The following PKHD1 variants were observed in gnomAD, a reference collection of about 807,000 sequenced individuals.
The protein encoded by PKHD1 is PKHD1 ciliary IPT domain containing fibrocystin/polyductin.
PKHD1 carries 291 observed loss-of-function variants against 412.0 expected under a neutral mutation model. The ratio of observed to expected loss-of-function variants is 0.71; its 90% CI spans 0.64 to 0.78. The LOEUF (loss-of-function observed/expected upper bound fraction) is 0.78. Ranked by LOEUF, PKHD1 falls within the 30% of genes least tolerant of loss-of-function variation. The pLI is 0.00. For missense variants in PKHD1, 4,825 were observed against 4,950.7 expected (o/e 0.97, Z 0.76); for synonymous variants, 1,777 against 1,821.5 (o/e 0.98, Z 0.62).
At position 51,972,556 on chromosome 6, in the gene PKHD1, C is replaced by T. The variant is rs1793822109; in HGVS notation, c.5752-12530G>A. On this transcript the variant is annotated intron_variant, in intron 35 of 66. Transcript: ENST00000371117. ...TTGCCTATGCAATCTGATGCAGATG[C>T]TTTCCTTGTACGTGCAGATTTTGTA... Among the ~76,000 whole-genome samples, 3 of 152,344 alleles carry T rather than the reference C, an allele frequency of 2.0e-5. No homozygotes were observed. The South Asian group carries it at 6.2e-4, about 32-fold the overall frequency.
chr6:51,841,900 G>C (rs1770272836), intron 50 of PKHD1, among the ~76,000 whole-genome samples: 1 of 152,210 alleles, frequency 6.6e-6, no homozygotes, highest in African/African-American at 2.4e-5. Context: ...CTGGGCAGTG[G>C]TAGACAGGAT....
chr6:51,673,645 C>T (rs995502946), intron 60 of PKHD1, among the ~76,000 whole-genome samples: 7 of 152,168 alleles, frequency 4.6e-5, no homozygotes, highest in African/African-American at 1.2e-4. Flanking sequence ...TGAAGAGCCA[C>T]GCTGATTATG....
At chr6:51,898,936 A>C (rs1241861612) in intron 43 of PKHD1, among the ~76,000 whole-genome samples, 2 of 152,230 alleles carry the variant, frequency 1.3e-5, no homozygotes, top group Non-Finnish European at 2.9e-5. Context: ...TAAATTCCTG[A>C]ACACATACAC....
chr6:51,948,087 C>T (rs929988849), intron 36 of PKHD1, among the ~76,000 whole-genome samples: 29 of 152,168 alleles, frequency 1.9e-4, no homozygotes, highest in African/African-American at 6.0e-4. Flanking sequence ...CAACCACTTA[C>T]CACCTCCACA....
intron 63 of PKHD1, among the ~76,000 whole-genome samples, chr6:51,641,834 G>A (rs1485568054): frequency 6.6e-6 from 1 of 152,134 alleles, no homozygotes; most frequent in Non-Finnish European, 1.5e-5. Flanking sequence ...GGAGAAGTGG[G>A]AGTTGAACAA....
At chr6:51,763,136 C>G (rs1470345095) in intron 55 of PKHD1, among the ~76,000 whole-genome samples, 1 of 151,986 alleles carries the variant, frequency 6.6e-6, no homozygotes, top group African/African-American at 2.4e-5. Context: ...TCAGACAAAT[C>G]AGGGTGAAAA....
At chr6:51,967,903 C>A (rs1344386496) in intron 35 of PKHD1, among the ~76,000 whole-genome samples, 2 of 152,214 alleles carry the variant, frequency 1.3e-5, no homozygotes, top group Non-Finnish European at 2.9e-5. Context: ...GCAATGGACC[C>A]ATGACGGCAC....
chr6:51,976,287 T>C (rs1794431055), intron 35 of PKHD1, among the ~76,000 whole-genome samples: 1 of 152,184 alleles, frequency 6.6e-6, no homozygotes, highest in African/African-American at 2.4e-5. Flanking sequence ...ATATATACAT[T>C]CAATGAAATT....
chr6:51,919,615 C>G (rs2145328), intron 37 of PKHD1, among the ~76,000 whole-genome samples: 57,971 of 152,064 alleles, frequency 0.38, 11,833 homozygotes, highest in East Asian at 0.76. Context: ...AATGCAGGCT[C>G]TTTTTTGGTT....
At chr6:52,036,848 C>T (rs1804033597) in intron 27 of PKHD1, among the ~76,000 whole-genome samples, 1 of 152,158 alleles carries the variant, frequency 6.6e-6, no homozygotes, top group South Asian at 2.1e-4. Context: ...AAAGAGTGAA[C>T]ACCATAAAGG....
intron 61 of PKHD1, 115 bp downstream of exon 61, chr6:51,658,837 T>G: frequency 1.3e-6 from 1 of 741,444 alleles, no homozygotes. Flanking sequence ...TATTCTTATC[T>G]TAAAAAGCAG....
chr6:51,655,995 C>T (rs1218348867), intron 61 of PKHD1, among the ~76,000 whole-genome samples: 1 of 152,060 alleles, frequency 6.6e-6, no homozygotes, highest in Non-Finnish European at 1.5e-5. Context: ...TGGGGATATA[C>T]CCAAAGGATT....
chr6:51,651,003 T>C (rs1413374832), intron 61 of PKHD1, among the ~76,000 whole-genome samples: 3 of 152,166 alleles, frequency 2.0e-5, no homozygotes, highest in African/African-American at 4.8e-5. Flanking sequence ...CTTAAATTCT[T>C]TCTGATAGGG....
rs368194577 is a variant in PKHD1, at chr6:51,906,267, C to T, written c.6756G>A (p.Leu2252=). ...TGTAGAATACATTACTGTCCACCTTCAGGCCCAAGGTCCCGCACATGCTGA... is the reference window on the plus strand; with the variant it reads ...TGTAGAATACATTACTGTCCACCTTTAGGCCCAAGGTCCCGCACATGCTGA... ...RGLSMCGTLG[L]KVDSNVFYNI... is the part of the protein sequence containing the mutation. Residue 2252 remains leucine (L), a synonymous_variant, in exon 41 of 67, where the codon CTG becomes CTA. Transcript: ENST00000371117. 5 of 1,611,076 alleles carry T rather than the reference C, an allele frequency of 3.1e-6. No individual in the cohort carries two copies. Among genetic ancestry groups the T allele is most frequent in the Non-Finnish European group, 4.2e-6 (5 of 1,177,600 alleles).
chr6:51,713,386 G>A (rs1022208521), intron 60 of PKHD1, among the ~76,000 whole-genome samples: 1 of 152,096 alleles, frequency 6.6e-6, no homozygotes, highest in Admixed American at 6.5e-5. Context: ...CTGTGATGGG[G>A]AAAAAAAGTT....
At chr6:51,665,508 C>T (rs933861190) in intron 60 of PKHD1, among the ~76,000 whole-genome samples, 7 of 152,066 alleles carry the variant, frequency 4.6e-5, no homozygotes, top group African/African-American at 1.4e-4. Context: ...TAATACAAGC[C>T]TATTTCAGCA....
At chr6:51,814,738 A>C (rs962301839) in intron 52 of PKHD1, among the ~76,000 whole-genome samples, 2 of 152,182 alleles carry the variant, frequency 1.3e-5, no homozygotes, top group African/African-American at 2.4e-5. Flanking sequence ...GGGAGGAGGC[A>C]AGCTGTGTGG....
chr6:52,025,136 C>G lies in PKHD1; in HGVS notation c.4674G>C (p.Gly1558=), dbSNP rs943531478. 1 of 1,614,002 alleles carries G rather than the reference C, an allele frequency of 6.2e-7. No individual in the cohort carries two copies. Among genetic ancestry groups the G allele is most frequent in the Non-Finnish European group, 8.5e-7 (1 of 1,179,880 alleles). ...TGGAAACATTACCAGAACAAGCATA[C>G]CCATTTCTTGTATAAAAAACTGACA... ...HYLSVFYTRN[G]YACSGNVSRH... is the part of the protein sequence containing the mutation. The change falls in exon 32 of 67, where the codon GGG becomes GGC. Residue 1558 remains glycine (G), a synonymous_variant. Transcript: ENST00000371117.
chr6:51,882,411 T>C (rs905271271), intron 46 of PKHD1, among the ~76,000 whole-genome samples: 1 of 152,246 alleles, frequency 6.6e-6, no homozygotes. Flanking sequence ...ATAAATAATC[T>C]TCAATGGAAG....
Sources: allele counts gnomAD v4.1 joint callset (sites outside exome capture counted in the v4.1 genomes callset), GRCh38; gene constraint gnomAD v4.1.1; transcripts MANE v1.5; gene names NCBI Gene and HGNC (gene_info 2026-07-23, HGNC 2026-07-21).